Variants in DPP10 observed in about 807,000 individuals in gnomAD.
DPP10 encodes inactive dipeptidyl peptidase 10.
A neutral mutation model predicts 120.9 loss-of-function variants in DPP10; 33 were observed. The ratio of observed to expected loss-of-function variants is 0.27; its 90% CI spans 0.21 to 0.37. The LOEUF is 0.37. Among genes scored for constraint, DPP10 ranks in the 10% least tolerant of loss-of-function variants. The pLI is 1.00. For synonymous variants in DPP10, 337 were observed against 326.1 expected, an observed-to-expected ratio of 1.03 and a Z score of -0.36; for missense variants, 816 against 942.8, an observed-to-expected ratio of 0.87 and a Z score of 1.76.
chr2:114,911,479 G>T (rs899098541), intron 1 of DPP10, among the ~76,000 whole-genome samples: 2 of 152,144 alleles, frequency 1.3e-5, no homozygotes, highest in African/African-American at 4.8e-5. Flanking sequence ...GGTAACAAAT[G>T]GAAGGATTGA....
chr2:115,546,550 A>G (rs931302549), intron 5 of DPP10, among the ~76,000 whole-genome samples: 2 of 152,076 alleles, frequency 1.3e-5, no homozygotes, highest in Non-Finnish European at 2.9e-5. Flanking sequence ...CATGCTGATA[A>G]TGATAACTAA....
chr2:114,455,362 T>C (rs570805705), intron 1 of DPP10, among the ~76,000 whole-genome samples: 1 of 152,140 alleles, frequency 6.6e-6, no homozygotes, highest in South Asian at 2.1e-4. Context: ...CTGGCCAACA[T>C]AGTGAAACCC....
At chr2:115,709,809 T>C (rs542082225) in intron 7 of DPP10, among the ~76,000 whole-genome samples, 1 of 151,526 alleles carries the variant, frequency 6.6e-6, no homozygotes, top group African/African-American at 2.4e-5. Context: ...ACTGCAAATC[T>C]CTAACAGATG....
chr2:115,437,049 A>G (rs1403597970), intron 3 of DPP10, among the ~76,000 whole-genome samples: 1 of 151,992 alleles, frequency 6.6e-6, no homozygotes, highest in Non-Finnish European at 1.5e-5. Flanking sequence ...GTGACGTTAA[A>G]TCAGTGTCAT....
At chr2:114,920,616 C>T (rs1695131835) in intron 1 of DPP10, among the ~76,000 whole-genome samples, 1 of 152,192 alleles carries the variant, frequency 6.6e-6, no homozygotes, top group African/African-American at 2.4e-5. Context: ...TCCCTTAAGA[C>T]TATAACACAT....
At chr2:115,193,228 C>T (rs2055009295) in intron 1 of DPP10, among the ~76,000 whole-genome samples, 1 of 152,090 alleles carries the variant, frequency 6.6e-6, no homozygotes, top group African/African-American at 2.4e-5. Flanking sequence ...TTGTTGTAAA[C>T]ATCCCTTTTT....
chr2:114,960,385 T>TATATATAC (rs1015822193), intron 1 of DPP10, among the ~76,000 whole-genome samples: 21 of 150,112 alleles, frequency 1.4e-4, no homozygotes, highest in African/African-American at 4.9e-4. Context: ...TATATATATA[T>TATATATAC]ACTTTTGTTG....
At chr2:114,593,662 A>G (rs891594234) in intron 1 of DPP10, among the ~76,000 whole-genome samples, 9 of 152,256 alleles carry the variant, frequency 5.9e-5, no homozygotes, top group African/African-American at 1.9e-4. Context: ...TGATGTTGTG[A>G]TAGATGTAGG....
At chr2:115,105,641 G>A (rs550989607) in intron 1 of DPP10, among the ~76,000 whole-genome samples, 3 of 152,062 alleles carry the variant, frequency 2.0e-5, no homozygotes, top group African/African-American at 7.2e-5. Flanking sequence ...AATTTGGAGG[G>A]GACAAATACC....
intron 1 of DPP10, among the ~76,000 whole-genome samples, chr2:115,118,399 A>G (rs1020012574): frequency 5.9e-5 from 9 of 152,192 alleles, no homozygotes; most frequent in African/African-American, 2.2e-4. Context: ...GCTAAGCAAT[A>G]TTAGGCAATT....
intron 3 of DPP10, among the ~76,000 whole-genome samples, chr2:115,373,260 G>GA (rs771432684): frequency 6.6e-6 from 1 of 152,142 alleles, no homozygotes; most frequent in Non-Finnish European, 1.5e-5. Context: ...CAATGCAATA[G>GA]AAAATCTTAC....
intron 1 of DPP10, among the ~76,000 whole-genome samples, chr2:115,254,903 C>G (rs2058914642): frequency 6.6e-6 from 1 of 152,166 alleles, no homozygotes; most frequent in African/African-American, 2.4e-5. Context: ...CTTCCGGCTG[C>G]TTTCATGGGC....
intron 1 of DPP10, among the ~76,000 whole-genome samples, chr2:114,803,564 G>A (rs1684454077): frequency 6.6e-6 from 1 of 152,196 alleles, no homozygotes; most frequent in African/African-American, 2.4e-5. Flanking sequence ...GGTCTCAGAT[G>A]GAGATGAGGA....
intron 1 of DPP10, among the ~76,000 whole-genome samples, chr2:114,734,361 C>A (rs1328565133): frequency 1.3e-5 from 2 of 152,140 alleles, no homozygotes; most frequent in Admixed American, 1.3e-4. Context: ...GTCTCCACAA[C>A]CTTTATCTTG....
intron 1 of DPP10, among the ~76,000 whole-genome samples, chr2:114,539,656 G>C (rs947095198): frequency 1.2e-4 from 18 of 152,212 alleles, no homozygotes; most frequent in South Asian, 2.1e-4. Context: ...TGCACGTAGA[G>C]AGCATGGGTA....
In DPP10 at chr2:115,761,157, AACACT is replaced by A. The variant is rs796139412; in HGVS notation, c.1075-1414_1075-1410del. Among the ~76,000 whole-genome samples, 45 of 151,954 alleles carry A rather than the reference AACACT, an allele frequency of 3.0e-4. 2 individuals carry two copies. The highest frequency in any genetic ancestry group is 1.1e-3 in the African/African-American group (44 of 41,478). On this transcript the variant is annotated intron_variant, in intron 11 of 25. Transcript: ENST00000410059. ...ATAGGTAGCTCACACCTGTTATTCCAACACTTTGGGAGGCCAAGTGGGGAGAATGG... is the reference window on the plus strand; with the variant it reads ...ATAGGTAGCTCACACCTGTTATTCCATTGGGAGGCCAAGTGGGGAGAATGG...
intron 1 of DPP10, among the ~76,000 whole-genome samples, chr2:114,854,898 G>A (rs537643335): frequency 6.6e-6 from 1 of 152,300 alleles, no homozygotes; most frequent in South Asian, 2.1e-4. Context: ...ACACATTTGT[G>A]TGTATGTGCA....
At position 115,603,039 on chromosome 2, in the gene DPP10, G is replaced by A. The variant is rs17454234; in HGVS notation, c.441+77067G>A. Among the ~76,000 whole-genome samples the A allele has an allele frequency of 9.2e-3, 1,391 of 151,758 alleles. 15 individuals carry two copies. The highest frequency in any genetic ancestry group is 0.046 in the South Asian group (220 of 4,808). On this transcript the variant is annotated intron_variant, in intron 5 of 25. Transcript: ENST00000410059. ...TGGTGCATTTGCCATTCTACCTGAC[G>A]TTCTACCTGACATGTTTAAGGGTCA...
intron 3 of DPP10, among the ~76,000 whole-genome samples, chr2:115,459,604 G>T (rs1034205833): frequency 1.3e-5 from 2 of 151,684 alleles, no homozygotes; most frequent in African/African-American, 4.8e-5. Context: ...TTAATTCTTT[G>T]GGAGTGACCA....
Sources: gnomAD v4.1 joint callset for allele counts (sites outside exome capture counted in the v4.1 genomes callset) on GRCh38, gnomAD v4.1.1 for gene constraint, MANE v1.5 for transcripts, NCBI Gene and HGNC (gene_info 2026-07-23, HGNC 2026-07-21) for gene names.